CSMD1: variants seen among roughly 807,000 people sequenced by gnomAD.
CSMD1 encodes the protein CUB and Sushi multiple domains 1.
In CSMD1, 213 loss-of-function variants were observed where a neutral mutation model predicts 417.5. That is an observed-to-expected ratio of 0.51 (90% CI 0.46 to 0.57). The LOEUF is 0.57. Ranked by LOEUF, CSMD1 falls within the 20% of genes least tolerant of loss-of-function variation. The pLI is 0.00. For missense variants in CSMD1, 6,923 were observed against 4,529.7 expected (o/e 1.53, Z -15.17); for synonymous variants, 2,862 against 1,736.8 (o/e 1.65, Z -16.11).
intron 3 of CSMD1, among the ~76,000 whole-genome samples, chr8:4,391,679 C>A (rs534930403): frequency 6.6e-6 from 1 of 152,246 alleles, no homozygotes; most frequent in South Asian, 2.1e-4. Context: ...CTTACTTCCA[C>A]TTAGCTCTTC....
At chr8:3,734,944 T>C (rs539763936) in intron 6 of CSMD1, among the ~76,000 whole-genome samples, 1 of 152,254 alleles carries the variant, frequency 6.6e-6, no homozygotes, top group African/African-American at 2.4e-5. Flanking sequence ...ATCCAAACCC[T>C]CCAGAGTAGC....
At chr8:4,003,119 C>T (rs886694854) in intron 4 of CSMD1, among the ~76,000 whole-genome samples, 16 of 152,066 alleles carry the variant, frequency 1.1e-4, no homozygotes, top group African/African-American at 9.7e-5. Flanking sequence ...ACAGGCTTGG[C>T]GCGGTGGCTG....
At chr8:4,025,749 A>G (rs1421055434) in intron 4 of CSMD1, among the ~76,000 whole-genome samples, 5 of 152,198 alleles carry the variant, frequency 3.3e-5, no homozygotes, top group Non-Finnish European at 4.4e-5. Flanking sequence ...TTTTAATGTC[A>G]ATGTGATGTT....
At chr8:3,568,060 T>C (rs886861156) in intron 10 of CSMD1, among the ~76,000 whole-genome samples, 6 of 152,186 alleles carry the variant, frequency 3.9e-5, no homozygotes, top group East Asian at 3.8e-4. Flanking sequence ...CTTCAGAGTA[T>C]TGATTTACTT....
At chr8:4,752,804 C>G (rs1433979488) in intron 1 of CSMD1, among the ~76,000 whole-genome samples, 1 of 152,068 alleles carries the variant, frequency 6.6e-6, no homozygotes, top group African/African-American at 2.4e-5. Context: ...GGCATCAGTA[C>G]CTGGAGAAAG....
chr8:3,188,889 G>C lies in CSMD1; in HGVS notation c.5521C>G (p.Gln1841Glu). ...GACTGTGGACTTCAAGGACTCACCT[G>C]AATTCCCGAGCCCTCCGTAACTATG... ...KIIVTEGSGI[Q>E]IQVISFATEQ... Residue 1841 changes from glutamine to glutamate, a missense_variant and splice_region_variant, in exon 35 of 70, where the codon CAG becomes GAG. Coordinates refer to ENST00000635120, the MANE Select transcript of CSMD1 (RefSeq NM_033225.6). 2 of 1,562,562 alleles carry C rather than the reference G, an allele frequency of 1.3e-6. No individual in the cohort carries two copies. The highest frequency in any genetic ancestry group is 1.7e-6 in the Non-Finnish European group (2 of 1,153,204).
At chr8:4,633,301 C>T (rs905856271) in intron 2 of CSMD1, among the ~76,000 whole-genome samples, 2 of 152,056 alleles carry the variant, frequency 1.3e-5, no homozygotes, top group Non-Finnish European at 2.9e-5. Flanking sequence ...GGCTGGAGTG[C>T]AGTGGTGCGA....
chr8:3,878,039 C>T (rs1805947096), intron 5 of CSMD1, among the ~76,000 whole-genome samples: 1 of 151,918 alleles, frequency 6.6e-6, no homozygotes, highest in Non-Finnish European at 1.5e-5. Flanking sequence ...TTAGTACCTC[C>T]ATCTAATTAC....
chr8:3,129,393 C>G (rs1773546707), intron 41 of CSMD1, among the ~76,000 whole-genome samples: 1 of 152,166 alleles, frequency 6.6e-6, no homozygotes, highest in African/African-American at 2.4e-5. Context: ...ACCATTATTA[C>G]AGATTGAAAT....
Position 3,343,384 on chromosome 8 carries a change from G to A in CSMD1, c.3541C>T (p.Leu1181=), listed in dbSNP as rs369988550. The A allele has an allele frequency of 1.2e-4, 197 of 1,613,724 alleles. 1 individual carries two copies. In the South Asian group the frequency reaches 2.0e-3, roughly 16 times the overall value. Residue 1181 remains leucine (L), a synonymous_variant, in exon 23 of 70, where the codon CTG becomes TTG. Coordinates refer to ENST00000635120, the MANE Select transcript of CSMD1 (RefSeq NM_033225.6). Reference sequence around the variant, plus strand: ...TGATTGGATGTGCTGTTTAGGATCAGCCCCAGAAGTTCATTTTTAGTGAAC... The same window carrying A: ...TGATTGGATGTGCTGTTTAGGATCAACCCCAGAAGTTCATTTTTAGTGAAC... ...GTFTKNELLG[L]ILNSTSNHLW... is the part of the protein sequence containing the mutation.
At chr8:3,702,583 C>T (rs4875778) in intron 7 of CSMD1, among the ~76,000 whole-genome samples, 74,947 of 152,088 alleles carry the variant, frequency 0.49, 18,572 homozygotes, top group Admixed American at 0.58. Context: ...GTAATCCCAG[C>T]ACTTTGGGAG....
At chr8:4,080,455 G>A (rs530689911) in intron 3 of CSMD1, among the ~76,000 whole-genome samples, 3 of 152,282 alleles carry the variant, frequency 2.0e-5, no homozygotes, top group South Asian at 2.1e-4. Context: ...TGTTACATAT[G>A]ATCAATAAGG....
chr8:3,917,818 G>C (rs892651409), intron 5 of CSMD1, among the ~76,000 whole-genome samples: 2 of 151,982 alleles, frequency 1.3e-5, no homozygotes, highest in African/African-American at 4.8e-5. Flanking sequence ...AATATTAGTT[G>C]TGTGTATGCG....
At chr8:4,105,526 C>A (rs892397085) in intron 3 of CSMD1, among the ~76,000 whole-genome samples, 1 of 152,174 alleles carries the variant, frequency 6.6e-6, no homozygotes, top group Non-Finnish European at 1.5e-5. Flanking sequence ...AGCTTATTTT[C>A]TGCTGGATGC....
chr8:3,787,750 G>C (rs1007533340), intron 5 of CSMD1, among the ~76,000 whole-genome samples: 1 of 152,188 alleles, frequency 6.6e-6, no homozygotes, highest in Non-Finnish European at 1.5e-5. Flanking sequence ...CCTGTATGGG[G>C]AAGTTAAGAA....
chr8:3,555,692 AAAAT>A (rs1442416824), intron 10 of CSMD1, among the ~76,000 whole-genome samples: 38 of 152,328 alleles, frequency 2.5e-4, no homozygotes, highest in African/African-American at 7.5e-4. Context: ...AGGGTGCATA[AAAAT>A]AAAATATGTG....
intron 4 of CSMD1, among the ~76,000 whole-genome samples, chr8:4,011,168 T>G (rs1816507281): frequency 6.6e-6 from 1 of 152,206 alleles, no homozygotes; most frequent in South Asian, 2.1e-4. Context: ...TAAAATATCT[T>G]TCCTGCAAAT....
chr8:3,088,106 C>G (rs1290154200), intron 48 of CSMD1, among the ~76,000 whole-genome samples: 2 of 152,274 alleles, frequency 1.3e-5, no homozygotes, highest in South Asian at 2.1e-4. Flanking sequence ...CTCACAATAG[C>G]TTTAATCATC....
At chr8:3,973,125 G>T (rs186617879) in intron 5 of CSMD1, among the ~76,000 whole-genome samples, 1 of 152,204 alleles carries the variant, frequency 6.6e-6, no homozygotes, top group Non-Finnish European at 1.5e-5. Context: ...CAGTTGGAAA[G>T]TTATGAAAAT....
Sources: gnomAD v4.1 joint callset for allele counts (sites outside exome capture counted in the v4.1 genomes callset) on GRCh38, gnomAD v4.1.1 for gene constraint, MANE v1.5 for transcripts, NCBI Gene and HGNC (gene_info 2026-07-23, HGNC 2026-07-21) for gene names.